KDM7A: variants seen among roughly 807,000 people sequenced by gnomAD.
KDM7A encodes lysine demethylase 7A.
A neutral mutation model predicts 114.8 loss-of-function variants in KDM7A; 28 were observed. That is an observed-to-expected ratio of 0.24 (90% CI 0.18 to 0.33). The LOEUF is 0.33. Among genes scored for constraint, KDM7A ranks in the 10% least tolerant of loss-of-function variants. The pLI, the probability that KDM7A is intolerant of heterozygous loss-of-function variation, is 1.00. For missense variants in KDM7A, 942 were observed against 1,142.5 expected, an observed-to-expected ratio of 0.82 and a Z score of 2.53; for synonymous variants, 423 against 397.8, an observed-to-expected ratio of 1.06 and a Z score of -0.75.
chr7:140,097,182 T>G, intron 15 of KDM7A, 135 bp from the exon 16 acceptor site: 1 of 667,558 alleles, frequency 1.5e-6, no homozygotes. Flanking sequence ...GTAATTCACA[T>G]GAAAAAAATG....
At chr7:140,098,832 A>C in intron 14 of KDM7A, 47 bp downstream of exon 14, 1 of 1,471,074 alleles carries the variant, frequency 6.8e-7, no homozygotes, top group Non-Finnish European at 9.4e-7. Context: ...ACATATTATC[A>C]CATTAGTAAT....
In KDM7A at chr7:140,089,478, T is replaced by C. The variant is rs967269297; in HGVS notation, c.*1616A>G. ...ATAGAGAAGGGTAAGTCCTGCTATCTTGCTGAGTAAAAAAAAGACAAATCC... is the reference window on the plus strand; with the variant it reads ...ATAGAGAAGGGTAAGTCCTGCTATCCTGCTGAGTAAAAAAAAGACAAATCC... On this transcript the variant is annotated 3_prime_UTR_variant, in exon 20 of 20. Coordinates refer to ENST00000397560, the MANE Select transcript of KDM7A (RefSeq NM_030647.2). 6.6e-6 allele frequency: 1 copy of C among 152,142 alleles called. No individual in the cohort carries two copies. Among genetic ancestry groups the C allele is most frequent in the Non-Finnish European group, 1.5e-5 (1 of 68,018 alleles). The allele number at this position is 152,142 out of a possible 1,614,324, so 9.4% of individuals were successfully genotyped here. A position where few individuals can be genotyped will look rare whatever the true frequency, so the allele number is the denominator to read the frequency against.
At chr7:140,123,847 G>A (rs769023231) in intron 7 of KDM7A, among the ~76,000 whole-genome samples, 18 of 152,070 alleles carry the variant, frequency 1.2e-4, no homozygotes, top group African/African-American at 3.4e-4. Context: ...TTTGGTGGGC[G>A]GATCACGAGG....
intron 1 of KDM7A, among the ~76,000 whole-genome samples, chr7:140,144,752 C>T (rs1262598997): frequency 6.6e-6 from 1 of 151,662 alleles, no homozygotes; most frequent in African/African-American, 2.4e-5. Flanking sequence ...CATGCTGAAA[C>T]GTAATCCACA....
At position 140,089,984 on chromosome 7, in the gene KDM7A, T is replaced by C. The variant is rs776679338; in HGVS notation, c.*1110A>G. On this transcript the variant is annotated 3_prime_UTR_variant, in exon 20 of 20. Transcript: ENST00000397560. ...GCAGATTTGAATATCCTAAATAACA[T>C]TTCCCAACAAATCAGGTATGGAGCA... 1 of 152,192 alleles carries C rather than the reference T, an allele frequency of 6.6e-6. No individual in the cohort carries two copies. The highest frequency in any genetic ancestry group is 2.4e-5 in the African/African-American group (1 of 41,440). The allele number at this position is 152,192 out of a possible 1,614,324, so 9.4% of individuals were successfully genotyped here.
In KDM7A at chr7:140,127,404, A is replaced by G. The variant is rs147348726; in HGVS notation, c.701+38T>C. The G allele has an allele frequency of 2.3e-3, 3,665 of 1,562,088 alleles. 9 individuals carry two copies. The highest frequency in any genetic ancestry group is 3.0e-3 in the Non-Finnish European group (3,455 of 1,141,720). Reference sequence around the variant, plus strand: ...CATCATTACACTACATTTAGCTAACACTCAGAATGCTAAACCAAAATACCC... The same window carrying G: ...CATCATTACACTACATTTAGCTAACGCTCAGAATGCTAAACCAAAATACCC... On this transcript the variant is annotated intron_variant, in intron 5 of 19. Coordinates refer to ENST00000397560, the MANE Select transcript of KDM7A (RefSeq NM_030647.2).
chr7:140,123,178 G>A (rs577010657), intron 7 of KDM7A, among the ~76,000 whole-genome samples: 2 of 152,118 alleles, frequency 1.3e-5, no homozygotes, highest in Non-Finnish European at 2.9e-5. Context: ...AGAATAGAAG[G>A]CAATTACAGC....
intron 1 of KDM7A, among the ~76,000 whole-genome samples, chr7:140,153,491 G>GAAAAAAAAAAAA (rs78679615): frequency 7.6e-6 from 1 of 131,576 alleles, no homozygotes. Flanking sequence ...GTCTCAAAAA[G>GAAAAAAAAAAAA]AAAAAAAAAA....
At chr7:140,106,964 G>A (rs911712303) in intron 11 of KDM7A, among the ~76,000 whole-genome samples, 1 of 152,132 alleles carries the variant, frequency 6.6e-6, no homozygotes, top group African/African-American at 2.4e-5. Context: ...ATGAATCTGG[G>A]TGCATATATA....
chr7:140,172,639 C>A (rs1794658857), intron 1 of KDM7A, among the ~76,000 whole-genome samples: 1 of 150,670 alleles, frequency 6.6e-6, no homozygotes, highest in South Asian at 2.1e-4. Flanking sequence ...GGCGACAGAG[C>A]GAAACTCCGT....
chr7:140,133,551 C>A lies in KDM7A; in HGVS notation c.386G>T (p.Arg129Leu). Residue 129 changes from arginine to leucine, a missense_variant, in exon 3 of 20, where the codon CGA becomes CTA. This residue lies in a region of KDM7A where 318 missense variants were observed against 453.1 expected (regional missense o/e 0.70). Transcript: ENST00000397560. Reference protein sequence around the residue: ...TRTFIKELRSRVFPSADEIII... With the variant: ...TRTFIKELRSLVFPSADEIII... ...TAAGTTTCCATACCTTGGGAAGACT[C>A]GAGAGCGTAATTCCTTAATGAAAGT... 6.3e-7 allele frequency: 1 copy of A among 1,585,504 alleles called. No individual in the cohort carries two copies. Among genetic ancestry groups the A allele is most frequent in the Non-Finnish European group, 8.7e-7 (1 of 1,155,074 alleles).
At chr7:140,130,840 ATTTAATAAGTCTTTTTTTTTTTTTT>A (rs1300740580) in intron 3 of KDM7A, among the ~76,000 whole-genome samples, 2 of 141,862 alleles carry the variant, frequency 1.4e-5, no homozygotes, top group Non-Finnish European at 3.0e-5. Flanking sequence ...TACAACCAGT[ATTTAATAAGTCTTTTTTTTTTTTTT>A]TTTTTTGAGA....
chr7:140,112,127 T>C (rs1818443677), intron 10 of KDM7A, among the ~76,000 whole-genome samples: 1 of 152,232 alleles, frequency 6.6e-6, no homozygotes, highest in Non-Finnish European at 1.5e-5. Flanking sequence ...GACAATAAGG[T>C]CTTTCACAGT....
chr7:140,139,943 G>A (rs1794242234), intron 1 of KDM7A, among the ~76,000 whole-genome samples: 1 of 152,182 alleles, frequency 6.6e-6, no homozygotes, highest in Admixed American at 6.5e-5. Context: ...CCTGAGTCAT[G>A]AGGAAATAGA....
intron 12 of KDM7A, among the ~76,000 whole-genome samples, chr7:140,100,721 TA>T (rs1562946098): frequency 4.4e-4 from 25 of 57,240 alleles, no homozygotes; most frequent in African/African-American, 1.7e-3. Context: ...CATATATATA[TA>T]TATATATATA....
At chr7:140,139,262 G>T in intron 1 of KDM7A, 72 bp from the exon 2 acceptor site, 2 of 977,764 alleles carry the variant, frequency 2.0e-6, no homozygotes, top group Admixed American at 1.9e-5. Context: ...TACAGTGGTT[G>T]GAATTTAGCT....
intron 1 of KDM7A, among the ~76,000 whole-genome samples, chr7:140,149,637 G>A (rs1794377160): frequency 6.6e-6 from 1 of 152,194 alleles, no homozygotes; most frequent in Admixed American, 6.5e-5. Flanking sequence ...ACAGACTAAA[G>A]AAATTAGGAT....
chr7:140,111,681 G>A (rs752663922), intron 10 of KDM7A, among the ~76,000 whole-genome samples: 9 of 152,150 alleles, frequency 5.9e-5, no homozygotes, highest in African/African-American at 1.2e-4. Flanking sequence ...GGGGAAGGCC[G>A]GGCGCAGTGA....
At chr7:140,133,118 G>C (rs1269712373) in intron 3 of KDM7A, among the ~76,000 whole-genome samples, 1 of 152,194 alleles carries the variant, frequency 6.6e-6, no homozygotes, top group East Asian at 1.9e-4. Flanking sequence ...ATGTAGGGCA[G>C]AGATGCATAT....
Sources: allele counts gnomAD v4.1 joint callset (sites outside exome capture counted in the v4.1 genomes callset), GRCh38; gene constraint gnomAD v4.1.1; regional missense constraint gnomAD v4.1.1; transcripts MANE v1.5; gene names NCBI Gene and HGNC (gene_info 2026-07-23, HGNC 2026-07-21).